Variants in CSK observed in about 807,000 individuals in gnomAD.
CSK encodes the protein C-terminal Src kinase.
A neutral mutation model predicts 62.3 loss-of-function variants in CSK; 7 were observed. That is an observed-to-expected ratio of 0.11 (90% CI 0.06 to 0.21). The LOEUF is 0.21. Among genes scored for constraint, CSK ranks in the 10% least tolerant of loss-of-function variants. The pLI is 1.00. For missense variants in CSK, 294 were observed against 613.5 expected (o/e 0.48, Z 5.50); for synonymous variants, 237 against 246.0 (o/e 0.96, Z 0.34).
intron 1 of CSK, among the ~76,000 whole-genome samples, chr15:74,785,800 G>A (rs1345331094): frequency 6.6e-6 from 1 of 152,076 alleles, no homozygotes; most frequent in East Asian, 1.9e-4. Context: ...CCCTGGCCCT[G>A]AGGTTCTAGA....
Position 74,799,482 on chromosome 15 carries a change from G to C in CSK, c.453G>C (p.Gln151His), listed in dbSNP as rs750164772. 6.2e-7 allele frequency: 1 copy of C among 1,612,738 alleles called. No homozygotes were observed. Among genetic ancestry groups the C allele is most frequent in the South Asian group, 1.1e-5 (1 of 90,964 alleles). The change falls in exon 5 of 13, where the codon CAG becomes CAC. Residue 151 changes from glutamine to histidine, a missense_variant. Physicochemically the swap from Gln to His is conservative, Grantham distance 24. Transcript: ENST00000220003. ...AGGTGTACTTTGAGAACCTCATGCA[G>C]CTGGTGGAGGTGAGCTGGGGGGTAC... ...DEEVYFENLM[Q>H]LVEHYTSDAD...
chr15:74,800,986 T>C, intron 8 of CSK, 26 bp from the exon 9 acceptor site: 1 of 1,613,044 alleles, frequency 6.2e-7, no homozygotes, highest in Non-Finnish European at 8.5e-7. Flanking sequence ...AGCTTCCCCT[T>C]TCTGACCACT....
In CSK at chr15:74,798,971, G is replaced by A; in HGVS notation, c.242+33G>A. On this transcript the variant is annotated intron_variant, in intron 4 of 12. Coordinates refer to ENST00000220003, the MANE Select transcript of CSK (RefSeq NM_004383.3). The surrounding 1 kb of genome is among the most constrained non-coding windows in gnomAD (Gnocchi z 6.6). ...CCACGAGGAGGGGTTGGGGAGGGAAGGGGCCTTGGTCCTCCTGAAGGAGCA... is the reference window on the plus strand; with the variant it reads ...CCACGAGGAGGGGTTGGGGAGGGAAAGGGCCTTGGTCCTCCTGAAGGAGCA... 1 of 1,476,306 alleles carries A rather than the reference G, an allele frequency of 6.8e-7. No homozygotes were observed. Among genetic ancestry groups the A allele is most frequent in the Non-Finnish European group, 8.9e-7 (1 of 1,121,600 alleles). The allele number at this position is 1,476,306 out of a possible 1,614,324, so 91.5% of individuals were successfully genotyped here.
At position 74,799,494 on chromosome 15, in the gene CSK, G is replaced by T; in HGVS notation, c.462+3G>T. 1 of 1,611,686 alleles carries T rather than the reference G, an allele frequency of 6.2e-7. No homozygotes were observed. Among genetic ancestry groups the T allele is most frequent in the South Asian group, 1.1e-5 (1 of 90,774 alleles). On this transcript the variant is annotated splice_donor_region_variant and intron_variant, in intron 5 of 12. Coordinates refer to ENST00000220003, the MANE Select transcript of CSK (RefSeq NM_004383.3). ...AGAACCTCATGCAGCTGGTGGAGGT[G>T]AGCTGGGGGGTACAGAGCCTTGCTC...
chr15:74,796,222 C>CA lies in CSK; in HGVS notation c.-65-2000dup, dbSNP rs899938609. On this transcript the variant is annotated intron_variant, in intron 1 of 12. Transcript: ENST00000220003. ...CCTGGGCGACAGAGTCTTGCTGTCT[C>CA]AAAAAAAAAAAGAAAGAAAATCATA... Among the ~76,000 whole-genome samples, 377 of 139,108 alleles carry CA rather than the reference C, an allele frequency of 2.7e-3. 2 individuals are homozygous for CA. Among genetic ancestry groups the CA allele is most frequent in the South Asian group, 0.011 (49 of 4,428 alleles). The allele number at this position is 139,108 out of a possible 152,430, so 91.3% of individuals were successfully genotyped here.
In CSK at chr15:74,800,764, C is replaced by T; in HGVS notation, c.622+18C>T. On this transcript the variant is annotated intron_variant, in intron 7 of 12. Transcript: ENST00000220003. ...GTTCGGAGGTGAGCTGGGCCGGGCC[C>T]CCTGGGGGGGTTCTGAGGGACTCCG... The T allele has an allele frequency of 1.3e-6, 2 of 1,583,174 alleles. No individual in the cohort carries two copies. The highest frequency in any genetic ancestry group is 1.7e-6 in the Non-Finnish European group (2 of 1,164,472).
At chr15:74,783,679 G>C (rs372967306) in intron 1 of CSK, among the ~76,000 whole-genome samples, 3 of 152,240 alleles carry the variant, frequency 2.0e-5, no homozygotes, top group African/African-American at 7.2e-5. Flanking sequence ...CAGAGGGCTG[G>C]AGGGAGTGAA....
chr15:74,790,146 G>C (rs1311733492), intron 1 of CSK, among the ~76,000 whole-genome samples: 1 of 152,266 alleles, frequency 6.6e-6, no homozygotes, highest in Non-Finnish European at 1.5e-5. Context: ...CATCCAGCTA[G>C]GTCCTGTGGC....
chr15:74,794,740 C>T (rs1252603850), intron 1 of CSK, among the ~76,000 whole-genome samples: 1 of 152,062 alleles, frequency 6.6e-6, no homozygotes, highest in Non-Finnish European at 1.5e-5. Flanking sequence ...TCAACAGAGC[C>T]AGGTATTAAG....
rs772618856 is a variant in CSK at position 74,801,616 on chromosome 15, G to A, written c.887+21G>A. ...TCGCTGTGAGTGAAGCAGCCTCTTG[G>A]ATGGGTAGGGTTTGAGGGGTACCCT... On this transcript the variant is annotated intron_variant, in intron 10 of 12. Transcript: ENST00000220003. The A allele has an allele frequency of 1.8e-5, 29 of 1,613,126 alleles. No homozygotes were observed. In the African/African-American group the frequency reaches 2.9e-4, roughly 16 times the overall value.
At chr15:74,785,606 G>T (rs2063503061) in intron 1 of CSK, among the ~76,000 whole-genome samples, 1 of 152,206 alleles carries the variant, frequency 6.6e-6, no homozygotes, top group East Asian at 1.9e-4. Context: ...CTAACCAAGG[G>T]ACTCTAAAGT....
At chr15:74,789,623 C>T (rs1350435295) in intron 1 of CSK, among the ~76,000 whole-genome samples, 3 of 152,200 alleles carry the variant, frequency 2.0e-5, no homozygotes, top group Admixed American at 6.5e-5. Context: ...AGGCCCTGCT[C>T]GGAGGTTCCC....
Position 74,798,597 on chromosome 15 carries a change from G to T in CSK, c.16-18G>T, listed in dbSNP as rs376509733. ...GGGGGCCCAGGCTGCACCCGCCCAC[G>T]TGTCACCTGCCTTGCAGGCCGCCTG... On this transcript the variant is annotated intron_variant, in intron 2 of 12. Coordinates refer to ENST00000220003, the MANE Select transcript of CSK (RefSeq NM_004383.3). This position sits in a 1 kb window ranked among gnomAD's most constrained non-coding sequence, Gnocchi z 6.6. 2 of 1,609,788 alleles carry T rather than the reference G, an allele frequency of 1.2e-6. No homozygotes were observed. Among genetic ancestry groups the T allele is most frequent in the South Asian group, 1.1e-5 (1 of 90,908 alleles).
Position 74,802,415 on chromosome 15 carries a change from A to G in CSK, c.1255A>G (p.Met419Val). 6.2e-7 allele frequency: 1 copy of G among 1,613,022 alleles called. No individual in the cohort carries two copies. The highest frequency in any genetic ancestry group is 8.5e-7 in the Non-Finnish European group (1 of 1,179,838). Residue 419 changes from methionine (M) to valine (V), a missense_variant, in exon 13 of 13, where the codon ATG (methionine) becomes GTG (valine). This residue lies in a region of CSK where 66 missense variants were observed against 99.3 expected (regional missense o/e 0.66). Transcript: ENST00000220003. Reference sequence around the variant, plus strand: ...CTGCCCGCCCGCAGTCTATGAAGTCATGAAGAACTGCTGGCACCTGGACGC... The same window carrying G: ...CTGCCCGCCCGCAGTCTATGAAGTCGTGAAGAACTGCTGGCACCTGGACGC... ...DGCPPAVYEVMKNCWHLDAAM... is the reference protein window; with the variant it reads ...DGCPPAVYEVVKNCWHLDAAM...
At chr15:74,800,200 C>G (rs920542726) in intron 5 of CSK, among the ~76,000 whole-genome samples, 1 of 152,202 alleles carries the variant, frequency 6.6e-6, no homozygotes, top group Non-Finnish European at 1.5e-5. Context: ...GAGTGTCCAG[C>G]AACCGCATGT....
intron 1 of CSK, among the ~76,000 whole-genome samples, chr15:74,793,845 C>T (rs1051224967): frequency 6.6e-6 from 1 of 152,064 alleles, no homozygotes; most frequent in East Asian, 1.9e-4. Context: ...TCCGCGCCCC[C>T]CTGTGGTGGC....
At position 74,782,382 on chromosome 15, in the gene CSK, G is replaced by A. The variant is rs2141762082; in HGVS notation, c.-404G>A. On this transcript the variant is annotated 5_prime_UTR_variant, in exon 1 of 13. Transcript: ENST00000220003. The surrounding 1 kb of genome is among the most constrained non-coding windows in gnomAD (Gnocchi z 5.7). ...GCGGCCCCGATCGAGCGTCCGGGGC[G>A]GCCCCCGGCAGCCAGCGCGACGTTC... is the stretch of plus-strand genomic sequence containing the variant. The A allele has an allele frequency of 6.6e-6, 1 of 150,772 alleles. No individual in the cohort carries two copies. Among genetic ancestry groups the A allele is most frequent in the South Asian group, 2.1e-4 (1 of 4,802 alleles). The allele number at this position is 150,772 out of a possible 1,614,324, so 9.3% of individuals were successfully genotyped here. A position where few individuals can be genotyped will look rare whatever the true frequency, so the allele number is the denominator to read the frequency against.
At chr15:74,787,980 C>T (rs1489436904) in intron 1 of CSK, among the ~76,000 whole-genome samples, 2 of 152,214 alleles carry the variant, frequency 1.3e-5, no homozygotes, top group Non-Finnish European at 2.9e-5. Flanking sequence ...GACGAGGAGT[C>T]AGTGAGGGGA....
chr15:74,798,306 A>G lies in CSK; in HGVS notation c.9A>G (p.Ala3=), dbSNP rs769095776. The G allele has an allele frequency of 3.2e-6, 5 of 1,579,070 alleles. No individual in the cohort carries two copies. The highest frequency in any genetic ancestry group is 4.3e-6 in the Non-Finnish European group (5 of 1,161,662). The change falls in exon 2 of 13, where the codon GCA becomes GCG. Residue 3 remains alanine (A), a synonymous_variant. Transcript: ENST00000220003. This position sits in a 1 kb window ranked among gnomAD's most constrained non-coding sequence, Gnocchi z 6.6. ...CCAGAGCTCCTGAGAAGATGTCAGCAATACAGGTACCACAGGGGTGAGGGT... is the reference window on the plus strand; with the variant it reads ...CCAGAGCTCCTGAGAAGATGTCAGCGATACAGGTACCACAGGGGTGAGGGT... MS[A]IQAAWPSGTE... is the part of the protein sequence containing the mutation.
Sources: allele counts gnomAD v4.1 joint callset (sites outside exome capture counted in the v4.1 genomes callset), GRCh38; gene constraint gnomAD v4.1.1; regional missense constraint gnomAD v4.1.1; non-coding constraint Gnocchi (gnomAD v3.1); transcripts MANE v1.5; gene names NCBI Gene and HGNC (gene_info 2026-07-23, HGNC 2026-07-21).